The following CDC42 variants were observed in gnomAD, a reference collection of about 807,000 sequenced individuals.
CDC42 encodes cell division cycle 42, also known as cell division control protein 42 homolog.
In CDC42, 1 loss-of-function variant was observed where a neutral mutation model predicts 20.8. The ratio of observed to expected loss-of-function variants is 0.05; its 90% CI spans 0.02 to 0.23. CDC42 has a LOEUF of 0.23. CDC42 is among the 10% of genes least tolerant of loss of function. CDC42 has a pLI of 1.00. For missense variants in CDC42, 49 were observed against 227.9 expected, an observed-to-expected ratio of 0.21 and a Z score of 5.05; for synonymous variants, 72 against 84.8, an observed-to-expected ratio of 0.85 and a Z score of 0.83.
At chr1:22,067,312 T>C (rs1645435288) in intron 1 of CDC42, among the ~76,000 whole-genome samples, 1 of 152,066 alleles carries the variant, frequency 6.6e-6, no homozygotes, top group African/African-American at 2.4e-5. Flanking sequence ...GGTTCATAGA[T>C]GCTGGTTTTT....
chr1:22,055,536 C>CTAA (rs1202908998), intron 1 of CDC42, among the ~76,000 whole-genome samples: 1 of 148,690 alleles, frequency 6.7e-6, no homozygotes, highest in East Asian at 2.0e-4. Context: ...GTCGCCCAGG[C>CTAA]TAGAGTGCAG....
intron 1 of CDC42, among the ~76,000 whole-genome samples, chr1:22,067,979 G>A (rs1175401965): frequency 6.6e-5 from 10 of 152,136 alleles, no homozygotes; most frequent in African/African-American, 2.2e-4. Context: ...CCAAGATTTG[G>A]CTGAGATGGG....
chr1:22,097,669 C>G lies in CDC42; in HGVS notation c.*6152C>G, dbSNP rs1056566306. On this transcript the variant is annotated 3_prime_UTR_variant, in exon 6 of 6. Transcript: ENST00000656825. Reference sequence around the variant, plus strand: ...CCATCAGGTAATTTGTGCATTAGAACTAGCTTGGAACAGAATGGGTAAACT... The same window carrying G: ...CCATCAGGTAATTTGTGCATTAGAAGTAGCTTGGAACAGAATGGGTAAACT... 7.9e-5 allele frequency among the ~76,000 whole-genome samples: 12 copies of G among 152,226 alleles called. No homozygotes were observed. The highest frequency in any genetic ancestry group is 1.5e-4 in the Non-Finnish European group (10 of 68,038).
chr1:22,057,865 A>T lies in CDC42; in HGVS notation c.-51+5123A>T, dbSNP rs145801681. On this transcript the variant is annotated intron_variant, in intron 1 of 5. Coordinates refer to ENST00000656825, the MANE Select transcript of CDC42 (RefSeq NM_001791.4). ...CGGCCTCCTGAGTAGCTGGGATTAC[A>T]GGTGTCCGCCACCACACCCGGGTAA... is the stretch of plus-strand genomic sequence containing the variant. Among the ~76,000 whole-genome samples, 957 of 151,542 alleles carry T rather than the reference A, an allele frequency of 6.3e-3. 8 individuals are homozygous for T. Among genetic ancestry groups the T allele is most frequent in the Non-Finnish European group, 0.011 (749 of 67,938 alleles).
intron 1 of CDC42, among the ~76,000 whole-genome samples, chr1:22,075,592 A>G (rs937539839): frequency 2.0e-5 from 3 of 152,212 alleles, no homozygotes; most frequent in East Asian, 1.9e-4. Context: ...AATTCCTTAT[A>G]TTGACTTTAA....
chr1:22,068,822 TGC>T (rs1557897216), intron 1 of CDC42: 1 of 152,284 alleles, frequency 6.6e-6, no homozygotes, highest in Admixed American at 6.5e-5. Flanking sequence ...TGTGCTCAGG[TGC>T]CATGCTGGCT....
At chr1:22,074,750 T>C (rs561590409) in intron 1 of CDC42, among the ~76,000 whole-genome samples, 1 of 152,300 alleles carries the variant, frequency 6.6e-6, no homozygotes, top group African/African-American at 2.4e-5. Flanking sequence ...CTACAACAAA[T>C]TTAAATCTCA....
In CDC42 at chr1:22,092,889, C is replaced by T. The variant is rs542916407; in HGVS notation, c.*1372C>T. 6.5e-5 allele frequency: 10 copies of T among 152,710 alleles called. No individual in the cohort carries two copies. In the East Asian group the frequency reaches 7.7e-4, roughly 12 times the overall value. The allele number at this position is 152,710 out of a possible 1,614,324, so 9.5% of individuals were successfully genotyped here. On this transcript the variant is annotated 3_prime_UTR_variant, in exon 6 of 6. Coordinates refer to ENST00000656825, the MANE Select transcript of CDC42 (RefSeq NM_001791.4). ...GTTGAACCAATGCTTTCTCATGTCT[C>T]AATTCTTTGTATATGCATTCTTTTC...
In CDC42 at chr1:22,101,201, A is replaced by G. The variant is rs1280637469; in HGVS notation, c.*9684A>G. On this transcript the variant is annotated 3_prime_UTR_variant, in exon 6 of 6. Transcript: ENST00000656825. ...CTTGCATTATGGTGTTTGATACTATATCTTCATTTCTCCCATGGTAGTAAT... is the reference window on the plus strand; with the variant it reads ...CTTGCATTATGGTGTTTGATACTATGTCTTCATTTCTCCCATGGTAGTAAT... 6.6e-6 allele frequency: 1 copy of G among 152,212 alleles called. No individual in the cohort carries two copies. 9.4% of individuals were successfully genotyped at this position (152,212 alleles called of 1,614,324 possible).
Position 22,091,502 on chromosome 1 carries a change from G to A in CDC42, c.561G>A (p.Arg187=), listed in dbSNP as rs150683889. ...CTCCAGAACCGAAGAAGAGCCGCAGGTGTGTGCTGCTATGAACATCTCTCC... is the reference window on the plus strand; with the variant it reads ...CTCCAGAACCGAAGAAGAGCCGCAGATGTGTGCTGCTATGAACATCTCTCC... ...LEPPEPKKSR[R]CVLL is the part of the protein sequence containing the mutation. The change falls in exon 6 of 6, where the codon AGG becomes AGA. Residue 187 remains arginine (R), a synonymous_variant. Transcript: ENST00000656825. 1.9e-6 allele frequency: 3 copies of A among 1,612,010 alleles called. No homozygotes were observed. The highest frequency in any genetic ancestry group is 2.5e-6 in the Non-Finnish European group (3 of 1,178,330).
In CDC42 at chr1:22,095,259, T is replaced by C. The variant is rs1645748730; in HGVS notation, c.*3742T>C. Among the ~76,000 whole-genome samples the C allele has an allele frequency of 6.6e-6, 1 of 152,194 alleles. No homozygotes were observed. The highest frequency in any genetic ancestry group is 2.4e-5 in the African/African-American group (1 of 41,442). ...CCCAATCATGTTTTCTTTCCAGGGCTGCTTGAATGCTTGAATACTTTTTTT... is the reference window on the plus strand; with the variant it reads ...CCCAATCATGTTTTCTTTCCAGGGCCGCTTGAATGCTTGAATACTTTTTTT... On this transcript the variant is annotated 3_prime_UTR_variant, in exon 6 of 6. Coordinates refer to ENST00000656825, the MANE Select transcript of CDC42 (RefSeq NM_001791.4).
chr1:22,065,199 T>C (rs1234556855), intron 1 of CDC42, among the ~76,000 whole-genome samples: 1 of 152,216 alleles, frequency 6.6e-6, no homozygotes, highest in Non-Finnish European at 1.5e-5. Flanking sequence ...GCATATGCCC[T>C]TTACTGCAAC....
At chr1:22,057,896 G>A (rs1179129985) in intron 1 of CDC42, among the ~76,000 whole-genome samples, 3 of 150,334 alleles carry the variant, frequency 2.0e-5, no homozygotes, top group African/African-American at 4.9e-5. Context: ...GGTAATTTTC[G>A]TATTTTTAGT....
intron 1 of CDC42, among the ~76,000 whole-genome samples, chr1:22,063,807 G>A (rs953031139): frequency 5.3e-5 from 8 of 151,774 alleles, no homozygotes; most frequent in Admixed American, 2.0e-4. Flanking sequence ...TGGAACCTTC[G>A]CCTCCCGGGT....
At chr1:22,082,673 C>T (rs1163471551) in intron 3 of CDC42, among the ~76,000 whole-genome samples, 2 of 152,120 alleles carry the variant, frequency 1.3e-5, no homozygotes, top group African/African-American at 4.8e-5. Flanking sequence ...TGGTGTTACA[C>T]TGTGTACCAC....
chr1:22,069,660 T>A (rs1645463158), intron 1 of CDC42, among the ~76,000 whole-genome samples: 2 of 146,954 alleles, frequency 1.4e-5, no homozygotes, highest in Non-Finnish European at 1.5e-5. Context: ...AGAGATGGGA[T>A]TTTGTCATGT....
intron 5 of CDC42, among the ~76,000 whole-genome samples, chr1:22,088,598 TA>T (rs1337701781): frequency 6.6e-6 from 1 of 152,216 alleles, no homozygotes; most frequent in Non-Finnish European, 1.5e-5. Context: ...AGTCTTAATA[TA>T]AACAGATGGT....
Position 22,100,749 on chromosome 1 carries a change from A to T in CDC42, c.*9232A>T, listed in dbSNP as rs1557914128. The T allele has an allele frequency of 1.3e-5, 2 of 152,220 alleles. No homozygotes were observed. The allele number at this position is 152,220 out of a possible 1,614,324, so 9.4% of individuals were successfully genotyped here. A position where few individuals can be genotyped will look rare whatever the true frequency, so the allele number is the denominator to read the frequency against. On this transcript the variant is annotated 3_prime_UTR_variant, in exon 6 of 6. Coordinates refer to ENST00000656825, the MANE Select transcript of CDC42 (RefSeq NM_001791.4). ...GGGCTTCCTCCTCATACTCATTGCC[A>T]GGAGTAGAGTAAGGCTTTTAATTTC...
intron 1 of CDC42, among the ~76,000 whole-genome samples, chr1:22,070,707 G>A (rs958654682): frequency 3.3e-5 from 5 of 151,706 alleles, no homozygotes; most frequent in Admixed American, 3.3e-4. Flanking sequence ...CTCGTGATCC[G>A]CCTGCCTCGG....
Sources: gnomAD v4.1 joint callset for allele counts (sites outside exome capture counted in the v4.1 genomes callset) on GRCh38, gnomAD v4.1.1 for gene constraint, MANE v1.5 for transcripts, NCBI Gene and HGNC (gene_info 2026-07-23, HGNC 2026-07-21) for gene names.